CDH18: variants seen among roughly 807,000 people sequenced by gnomAD.
CDH18 encodes the protein cadherin-18.
Under a neutral mutation model 67.9 loss-of-function variants are expected in CDH18, and 31 were observed. The observed-to-expected ratio is 0.46, with a 90% confidence interval of 0.34 to 0.62. CDH18 has a LOEUF of 0.62. Among genes scored for constraint, CDH18 ranks in the 20% least tolerant of loss-of-function variants. The pLI, the probability that CDH18 is intolerant of heterozygous loss-of-function variation, is 0.01. For missense variants in CDH18, 890 were observed against 975.5 expected (o/e 0.91, Z 1.17); for synonymous variants, 362 against 347.2 (o/e 1.04, Z -0.48).
chr5:20,520,024 ACTCCTGAGCTAGGTGATCTGACCC>A (rs1362823221), intron 1 of CDH18, among the ~76,000 whole-genome samples: 1 of 117,398 alleles, frequency 8.5e-6, no homozygotes, highest in African/African-American at 3.4e-5. Flanking sequence ...TTGGTCTCGA[ACTCCTGAGCTAGGTGATCTGACCC>A]CTCGGTCTTC....
intron 1 of CDH18, among the ~76,000 whole-genome samples, chr5:20,283,275 A>G (rs978876192): frequency 6.6e-6 from 1 of 152,152 alleles, no homozygotes; most frequent in Non-Finnish European, 1.5e-5. Context: ...CAAGTTAAAA[A>G]GTTTATGCAC....
intron 2 of CDH18, among the ~76,000 whole-genome samples, chr5:20,023,461 C>T (rs1738601891): frequency 6.6e-6 from 1 of 151,732 alleles, no homozygotes; most frequent in South Asian, 2.1e-4. Flanking sequence ...AGATCGAGAC[C>T]ATCCTGGATA....
intron 2 of CDH18, among the ~76,000 whole-genome samples, chr5:20,066,024 T>A (rs558644085): frequency 6.6e-6 from 1 of 152,146 alleles, no homozygotes; most frequent in East Asian, 1.9e-4. Flanking sequence ...AGATATGTAT[T>A]TTTAATAAAA....
intron 1 of CDH18, among the ~76,000 whole-genome samples, chr5:20,380,652 A>G (rs542581701): frequency 2.0e-5 from 3 of 152,248 alleles, no homozygotes; most frequent in African/African-American, 7.2e-5. Flanking sequence ...TTATTTTTGA[A>G]ATATTTTTTC....
chr5:20,305,383 AC>A, intron 1 of CDH18: 1 of 1,550,116 alleles, frequency 6.5e-7, no homozygotes, highest in South Asian at 1.1e-5. Context: ...GAATGTTCCC[AC>A]CTCTTCAGCT....
intron 1 of CDH18, among the ~76,000 whole-genome samples, chr5:20,410,422 A>G (rs901745739): frequency 6.6e-6 from 1 of 151,886 alleles, no homozygotes; most frequent in African/African-American, 2.4e-5. Context: ...GCATTTGACA[A>G]TAATGAGCAC....
At chr5:19,700,998 G>C (rs1024793312) in intron 5 of CDH18, among the ~76,000 whole-genome samples, 12 of 151,782 alleles carry the variant, frequency 7.9e-5, no homozygotes, top group African/African-American at 1.2e-4. Flanking sequence ...AATAAGCATC[G>C]ATCAAGAAAT....
chr5:20,220,290 T>C (rs1741121991), intron 2 of CDH18, among the ~76,000 whole-genome samples: 2 of 151,892 alleles, frequency 1.3e-5, no homozygotes, highest in South Asian at 2.1e-4. Flanking sequence ...GATAGACCAA[T>C]GAAACAGAAT....
chr5:19,956,540 T>A (rs1035648851), intron 2 of CDH18, among the ~76,000 whole-genome samples: 10 of 151,374 alleles, frequency 6.6e-5, no homozygotes, highest in Non-Finnish European at 1.3e-4. Context: ...GGTCCTAAAA[T>A]ATTTAGTGAT....
intron 1 of CDH18, among the ~76,000 whole-genome samples, chr5:20,534,859 A>ATT (rs1756624523): frequency 6.6e-6 from 1 of 151,562 alleles, no homozygotes; most frequent in African/African-American, 2.4e-5. Context: ...TTATTTATTT[A>ATT]GAGTCAGGGT....
At chr5:20,567,307 C>CTTTCAA (rs1758570696) in intron 1 of CDH18, among the ~76,000 whole-genome samples, 2 of 152,146 alleles carry the variant, frequency 1.3e-5, no homozygotes, top group African/African-American at 2.4e-5. Context: ...GTGACATAAA[C>CTTTCAA]TTTCAATTTA....
At chr5:20,529,244 A>G (rs2457035) in intron 1 of CDH18, among the ~76,000 whole-genome samples, 63,336 of 150,884 alleles carry the variant, frequency 0.42, 14,442 homozygotes, top group East Asian at 0.56. Context: ...AAATTCAGGT[A>G]GTAATAAATA....
At chr5:19,921,164 G>GT (rs1792401733) in intron 2 of CDH18, among the ~76,000 whole-genome samples, 1 of 152,102 alleles carries the variant, frequency 6.6e-6, no homozygotes, top group Non-Finnish European at 1.5e-5. Context: ...GAAAAAAATT[G>GT]TAATTATGAA....
chr5:19,934,557 A>C (rs1486850098), intron 2 of CDH18, among the ~76,000 whole-genome samples: 1 of 151,510 alleles, frequency 6.6e-6, no homozygotes. Context: ...GAAATGTTTA[A>C]ACATGTTTTT....
chr5:20,063,856 ATGT>A (rs1742728626), intron 2 of CDH18, among the ~76,000 whole-genome samples: 2 of 152,152 alleles, frequency 1.3e-5, no homozygotes, highest in South Asian at 4.1e-4. Flanking sequence ...CACTGAATAA[ATGT>A]TGTCTGGACA....
At chr5:20,243,480 A>G (rs1743142469) in intron 2 of CDH18, among the ~76,000 whole-genome samples, 1 of 152,168 alleles carries the variant, frequency 6.6e-6, no homozygotes, top group Non-Finnish European at 1.5e-5. Flanking sequence ...AGCATGAATC[A>G]CTAGAAAACA....
intron 1 of CDH18, among the ~76,000 whole-genome samples, chr5:20,351,249 T>TAAAGATCA (rs201277350): frequency 0.032 from 3,895 of 122,386 alleles, 124 homozygotes; most frequent in African/African-American, 0.13. Context: ...TCCATGGGGG[T>TAAAGATCA]TGTTTTTTTT....
chr5:19,870,517 T>C (rs1470393945), intron 2 of CDH18, among the ~76,000 whole-genome samples: 9 of 152,140 alleles, frequency 5.9e-5, no homozygotes, highest in Non-Finnish European at 1.3e-4. Flanking sequence ...TGCTTATCTA[T>C]AGAGTATCCT....
intron 1 of CDH18, among the ~76,000 whole-genome samples, chr5:20,322,792 C>T (rs545129070): frequency 6.6e-6 from 1 of 152,200 alleles, no homozygotes; most frequent in Admixed American, 6.5e-5. Flanking sequence ...TTCATAGTGA[C>T]ACTTTGAAAT....
Sources: allele counts gnomAD v4.1 joint callset (sites outside exome capture counted in the v4.1 genomes callset), GRCh38; gene constraint gnomAD v4.1.1; transcripts MANE v1.5; gene names NCBI Gene and HGNC (gene_info 2026-07-23, HGNC 2026-07-21).